Variants in DMBT1 observed in about 807,000 individuals in gnomAD.
DMBT1 encodes deleted in malignant brain tumors 1.
In DMBT1, 198 loss-of-function variants were observed where a neutral mutation model predicts 252.9. The observed-to-expected ratio is 0.78, with a 90% CI of 0.70 to 0.88. The LOEUF is 0.88. Ranked by LOEUF, DMBT1 falls within the 40% of genes least tolerant of loss-of-function variation. DMBT1 has a pLI of 0.00. For missense variants in DMBT1, 2,432 were observed against 2,404.7 expected, an observed-to-expected ratio of 1.01 and a Z score of -0.24; for synonymous variants, 990 against 942.7, an observed-to-expected ratio of 1.05 and a Z score of -0.92.
intron 20 of DMBT1, among the ~76,000 whole-genome samples, chr10:122,593,319 G>C (rs1443627492): frequency 6.1e-5 from 9 of 148,356 alleles, no homozygotes; most frequent in Admixed American, 1.3e-4. Flanking sequence ...GAGTGGGTTG[G>C]TTTAGGTCAA....
rs2098225118 is a variant in DMBT1 at position 122,636,140 on chromosome 10, G to A, written c.6698G>A (p.Ser2233Asn). 5 of 1,613,956 alleles carry A rather than the reference G, an allele frequency of 3.1e-6. No homozygotes were observed. Among genetic ancestry groups the A allele is most frequent in the Non-Finnish European group, 4.2e-6 (5 of 1,179,888 alleles). ...TCCATTCGCTTCATCAGTGACCACA[G>A]CATCACAAGGAGAGGGTTCCGGGCT... ...FMSIRFISDH[S>N]ITRRGFRAEY... The change falls in exon 53 of 56, where the codon AGC becomes AAC. Residue 2233 changes from serine to asparagine, a missense_variant. By Grantham distance (46) the Ser-to-Asn change is conservative. Coordinates refer to ENST00000338354, the MANE Select transcript of DMBT1 (RefSeq NM_001377530.1).
At position 122,579,915 on chromosome 10, in the gene DMBT1, A is replaced by G. The variant is rs1565647492; in HGVS notation, c.1003+14A>G. On this transcript the variant is annotated intron_variant, in intron 10 of 55. Transcript: ENST00000338354. ...TCATCTGCTCAGGTGGGCCTTCAAGAACTTGGGCTCACTCTCTTGGGGTGG... is the reference window on the plus strand; with the variant it reads ...TCATCTGCTCAGGTGGGCCTTCAAGGACTTGGGCTCACTCTCTTGGGGTGG... 1.2e-6 allele frequency: 2 copies of G among 1,613,806 alleles called. No individual in the cohort carries two copies. Among genetic ancestry groups the G allele is most frequent in the Non-Finnish European group, 1.7e-6 (2 of 1,179,758 alleles).
At chr10:122,589,871 C>G (rs1246437686) in intron 17 of DMBT1, among the ~76,000 whole-genome samples, 1 of 148,568 alleles carries the variant, frequency 6.7e-6, no homozygotes, top group Non-Finnish European at 1.5e-5. Context: ...CTTCCATGAC[C>G]CAGACATGGC....
intron 49 of DMBT1, 72 bp downstream of exon 49, chr10:122,631,353 C>G: frequency 1.3e-6 from 2 of 1,552,324 alleles, no homozygotes; most frequent in South Asian, 2.4e-5. Flanking sequence ...AGGCCAGTGG[C>G]TGATGGTGTC....
chr10:122,572,754 C>T (rs1190606625), intron 5 of DMBT1, among the ~76,000 whole-genome samples: 3 of 152,114 alleles, frequency 2.0e-5, no homozygotes, highest in Admixed American at 6.5e-5. Context: ...AGCAGCATCA[C>T]GACCTGGCCT....
chr10:122,572,465 T>A (rs1435747348), intron 5 of DMBT1, 104 bp downstream of exon 5: 1 of 1,483,458 alleles, frequency 6.7e-7, no homozygotes, highest in East Asian at 2.3e-5. Context: ...AGTAGTGTGC[T>A]GGCGTCAGGT....
intron 43 of DMBT1, among the ~76,000 whole-genome samples, 194 bp downstream of exon 43, chr10:122,620,485 C>T (rs936623352): frequency 6.6e-6 from 1 of 152,174 alleles, no homozygotes; most frequent in African/African-American, 2.4e-5. Flanking sequence ...GGTGACCTGT[C>T]TCCCCTGGGA....
chr10:122,621,581 A>G (rs977196688), intron 44 of DMBT1, among the ~76,000 whole-genome samples: 1 of 152,334 alleles, frequency 6.6e-6, no homozygotes, highest in Non-Finnish European at 1.5e-5. Flanking sequence ...GACCAAACTG[A>G]AACAACAACC....
chr10:122,585,570 C>G (rs867608535), intron 15 of DMBT1, among the ~76,000 whole-genome samples: 19 of 148,476 alleles, frequency 1.3e-4, no homozygotes, highest in Admixed American at 1.3e-3. Context: ...AGGAAAAGCC[C>G]TGGAAGCTTC....
intron 25 of DMBT1, 91 bp downstream of exon 25, chr10:122,598,103 G>C (rs2097901348): frequency 1.3e-6 from 2 of 1,582,580 alleles, no homozygotes; most frequent in South Asian, 2.2e-5. Context: ...GTCAAGGTGG[G>C]CCCCTCTCTT....
Position 122,593,594 on chromosome 10 carries a change from T to G in DMBT1, c.2526T>G (p.Ser842Arg). The G allele has an allele frequency of 5.0e-6, 8 of 1,586,602 alleles. No homozygotes were observed. The highest frequency in any genetic ancestry group is 6.9e-6 in the Non-Finnish European group (8 of 1,164,856). The change falls in exon 21 of 56, where the codon AGT (serine) becomes AGG (arginine). Residue 842 changes from serine to arginine, a missense_variant. Physicochemically the swap from Ser to Arg is moderately radical, Grantham distance 110. Coordinates refer to ENST00000338354, the MANE Select transcript of DMBT1 (RefSeq NM_001377530.1). ...TTTCCCAGTCCCGGCCGACACCCAG[T>G]CCAGGTAGGTCCCCAGTGTCCTTCC... The part of the protein sequence containing the change: ...CSVSQSRPTP[S>R]PDTWPTSHAS...
At chr10:122,599,469 T>A (rs1439455169) in intron 26 of DMBT1, among the ~76,000 whole-genome samples, 1 of 152,186 alleles carries the variant, frequency 6.6e-6, no homozygotes, top group Non-Finnish European at 1.5e-5. Context: ...TGTGAGGAAC[T>A]CTGAACTAAA....
At chr10:122,569,572 T>G (rs931759336) in intron 2 of DMBT1, among the ~76,000 whole-genome samples, 68 of 152,154 alleles carry the variant, frequency 4.5e-4, no homozygotes, top group African/African-American at 1.6e-3. Flanking sequence ...GAATGTTCAC[T>G]TCTAGAGCAA....
intron 2 of DMBT1, 82 bp from the exon 3 acceptor site, chr10:122,570,076 TCTTG>T: frequency 7.9e-7 from 1 of 1,259,596 alleles, no homozygotes; most frequent in Non-Finnish European, 1.2e-6. Context: ...GGCTTCCAGT[TCTTG>T]CTTGAGAGCT....
chr10:122,598,178 A>T (rs1010501280), intron 25 of DMBT1, among the ~76,000 whole-genome samples, 166 bp downstream of exon 25: 1 of 151,972 alleles, frequency 6.6e-6, no homozygotes, highest in Non-Finnish European at 1.5e-5. Context: ...TCTGGGTCTG[A>T]TGTTGGAGGC....
Position 122,592,612 on chromosome 10 carries a change from T to A in DMBT1, c.2500+17T>A. 6.3e-7 allele frequency: 1 copy of A among 1,588,316 alleles called. No individual in the cohort carries two copies. Among genetic ancestry groups the A allele is most frequent in the Non-Finnish European group, 8.6e-7 (1 of 1,165,586 alleles). ...TCTGCTCAGGTGGGCCTCCAAGACC[T>A]TGGGCTCCCTCTCCTAGACTGGAGT... On this transcript the variant is annotated intron_variant, in intron 20 of 55. Transcript: ENST00000338354.
chr10:122,579,642 G>C lies in DMBT1; in HGVS notation c.744G>C (p.Glu248Asp). The change falls in exon 10 of 56, where the codon GAG becomes GAC. Residue 248 changes from glutamate to aspartate, a missense_variant. Around this residue, in one of 3 missense-constraint regions of DMBT1, gnomAD observed 1,264 missense variants for 1,082.2 expected, o/e 1.17. Coordinates refer to ENST00000338354, the MANE Select transcript of DMBT1 (RefSeq NM_001377530.1). Reference protein sequence around the residue: ...NGGDRCRGRVEVLYRGSWGTV... With the variant: ...NGGDRCRGRVDVLYRGSWGTV... ...GCGACAGGTGTCGAGGCCGAGTGGA[G>C]GTCCTATACCGAGGCTCCTGGGGCA... 6.2e-7 allele frequency: 1 copy of C among 1,613,766 alleles called. No individual in the cohort carries two copies. The highest frequency in any genetic ancestry group is 8.5e-7 in the Non-Finnish European group (1 of 1,179,788).
intron 53 of DMBT1, among the ~76,000 whole-genome samples, chr10:122,636,450 TC>T (rs3842232): frequency 0.39 from 59,461 of 151,998 alleles, 13,359 homozygotes; most frequent in African/African-American, 0.62. Context: ...AAGTAGAGGG[TC>T]CCAGATGATG....
In DMBT1 at chr10:122,599,105, T is replaced by C. The variant is rs145027455; in HGVS notation, c.3280+8T>C. On this transcript the variant is annotated splice_region_variant and intron_variant, in intron 26 of 55. Transcript: ENST00000338354. The stretch of plus-strand genomic sequence containing the variant: ...CTGGTGTCATCTGCTCAGGTGGGCC[T>C]TCAAGAACTTGGGATCACTCTCTTG... 14,698 of 1,613,830 alleles carry C rather than the reference T, an allele frequency of 9.1e-3. 1,014 individuals carry two copies. The South Asian group carries it at 0.14, about 15-fold the overall frequency.
Sources: gnomAD v4.1 joint callset for allele counts (sites outside exome capture counted in the v4.1 genomes callset) on GRCh38, gnomAD v4.1.1 for gene constraint, gnomAD v4.1.1 regional missense constraint, MANE v1.5 for transcripts, NCBI Gene and HGNC (gene_info 2026-07-23, HGNC 2026-07-21) for gene names.